Variants in DCLRE1C observed in about 807,000 individuals in gnomAD.
DCLRE1C encodes protein artemis.
DCLRE1C carries 47 observed loss-of-function variants against 61.4 expected under a neutral mutation model. The ratio of observed to expected loss-of-function variants is 0.77; its 90% CI spans 0.61 to 0.98. The LOEUF (loss-of-function observed/expected upper bound fraction) is 0.98, where lower values mean the gene tolerates loss of function less well. Ranked by LOEUF, DCLRE1C falls within the 50% of genes least tolerant of loss-of-function variation. DCLRE1C has a pLI of 0.00. For missense variants in DCLRE1C, 858 were observed against 816.0 expected (o/e 1.05, Z -0.63); for synonymous variants, 337 against 287.6 (o/e 1.17, Z -1.74).
intron 13 of DCLRE1C, among the ~76,000 whole-genome samples, chr10:14,914,134 A>G (rs936323124): frequency 1.2e-4 from 18 of 152,246 alleles, no homozygotes; most frequent in African/African-American, 4.3e-4. Context: ...AAAACATCCA[A>G]CAACATACTG....
intron 1 of DCLRE1C, among the ~76,000 whole-genome samples, chr10:14,949,676 A>C (rs1327086953): frequency 8.5e-5 from 13 of 152,270 alleles, no homozygotes; most frequent in Admixed American, 8.5e-4. Context: ...CATTAAGTAT[A>C]TCATGCATTC....
exon 14 of DCLRE1C, chr10:14,899,104 G>C: frequency 3.2e-6 from 2 of 632,450 alleles, no homozygotes; most frequent in Non-Finnish European, 2.9e-6. Context: ...AGGCTCACTT[G>C]AGCCCAGGAG....
chr10:14,944,872 A>G (rs1376133883), intron 3 of DCLRE1C, among the ~76,000 whole-genome samples: 3 of 151,680 alleles, frequency 2.0e-5, no homozygotes, highest in African/African-American at 7.3e-5. Flanking sequence ...ACAGGGTTTT[A>G]CCATGTTGGC....
intron 11 of DCLRE1C, chr10:14,923,283 T>C (rs7896593): frequency 9.6e-5 from 52 of 541,754 alleles, no homozygotes; most frequent in African/African-American, 7.2e-4. Flanking sequence ...TGAGTACTAG[T>C]GGGCCTAGAA....
Position 14,939,429 on chromosome 10 carries a change from G to A in DCLRE1C, c.306+381C>T, listed in dbSNP as rs41296996. On this transcript the variant is annotated intron_variant, in intron 4 of 13. Coordinates refer to ENST00000378278, the MANE Select transcript of DCLRE1C (RefSeq NM_001033855.3). Reference sequence around the variant, plus strand: ...ACTGCACTCCAGCCTGGGTGACGGAGTGAGACTCTGTCTCAAAAAAAAAAA... The same window carrying A: ...ACTGCACTCCAGCCTGGGTGACGGAATGAGACTCTGTCTCAAAAAAAAAAA... Among the ~76,000 whole-genome samples, 954 of 116,434 alleles carry A rather than the reference G, an allele frequency of 8.2e-3. 16 individuals carry two copies. Among genetic ancestry groups the A allele is most frequent in the East Asian group, 0.051 (201 of 3,912 alleles). The allele number at this position is 116,434 out of a possible 152,430, so 76.4% of individuals were successfully genotyped here.
chr10:14,926,947 A>C, intron 10 of DCLRE1C, 50 bp from the exon 11 acceptor site: 1 of 1,511,130 alleles, frequency 6.6e-7, no homozygotes, highest in South Asian at 1.1e-5. Flanking sequence ...GCAAAACTAA[A>C]ACTAAGCAAA....
chr10:14,922,884 G>T, intron 12 of DCLRE1C, 97 bp downstream of exon 12: 1 of 902,160 alleles, frequency 1.1e-6, no homozygotes, highest in South Asian at 1.3e-5. Flanking sequence ...AAAACAAACA[G>T]ATTCTAGACT....
At chr10:14,914,408 TAG>T (rs1378733919) in intron 13 of DCLRE1C, among the ~76,000 whole-genome samples, 1 of 152,112 alleles carries the variant, frequency 6.6e-6, no homozygotes, top group Non-Finnish European at 1.5e-5. Flanking sequence ...CAAGGCAAAA[TAG>T]GCAAGTCCAC....
At chr10:14,904,424 A>G (rs1195004777), downstream of DCLRE1C, 6 of 151,072 alleles carry the variant, frequency 4.0e-5, no homozygotes, top group Non-Finnish European at 2.9e-5. Flanking sequence ...AGTGTTAAGA[A>G]AAGGTTGTAG....
Position 14,934,723 on chromosome 10 carries a change from A to ATCT in DCLRE1C, c.514_516dup (p.Arg172dup), listed in dbSNP as rs1839613124. 6.2e-7 allele frequency: 1 copy of ATCT among 1,613,928 alleles called. No homozygotes were observed. The highest frequency in any genetic ancestry group is 8.5e-7 in the Non-Finnish European group (1 of 1,179,940). ...CTTACCCGACTTGGAATTTGGTAAAATCTTGGATCACAGAACGTAGTATCC... is the reference window on the plus strand; with the variant it reads ...CTTACCCGACTTGGAATTTGGTAAAATCTTCTTGGATCACAGAACGTAGTATCC... On this transcript the variant is annotated inframe_insertion, in exon 7 of 14. Coordinates refer to ENST00000378278, the MANE Select transcript of DCLRE1C (RefSeq NM_001033855.3).
rs1260019943 is a variant in DCLRE1C at position 14,926,743 on chromosome 10, A to G, written c.972+100T>C. Reference sequence around the variant, plus strand: ...AACTAAAAGGAAATGAAACTTACATAGAAACAGAGATGCTTCTGAGAGTCA... The same window carrying G: ...AACTAAAAGGAAATGAAACTTACATGGAAACAGAGATGCTTCTGAGAGTCA... On this transcript the variant is annotated intron_variant, in intron 11 of 13. Transcript: ENST00000378278. 25 of 926,158 alleles carry G rather than the reference A, an allele frequency of 2.7e-5. No homozygotes were observed. In the East Asian group the frequency reaches 5.9e-4, roughly 22 times the overall value. 57.4% of individuals were successfully genotyped at this position (926,158 alleles called of 1,614,324 possible).
chr10:14,932,785 G>A (rs1839240847), intron 9 of DCLRE1C, 69 bp downstream of exon 9: 4 of 1,568,152 alleles, frequency 2.6e-6, no homozygotes, highest in South Asian at 1.1e-5. Context: ...CCTATAAATG[G>A]AAGCCCTGAC....
intron 12 of DCLRE1C, chr10:14,920,371 A>G (rs1836895794): frequency 9.6e-7 from 1 of 1,039,828 alleles, no homozygotes. Context: ...AGATTTGAAG[A>G]CGTCCTACCC....
chr10:14,951,662 C>T (rs1383387304), intron 1 of DCLRE1C, among the ~76,000 whole-genome samples: 2 of 152,146 alleles, frequency 1.3e-5, no homozygotes, highest in African/African-American at 4.8e-5. Context: ...CTTTTCCTAA[C>T]TTACAGACAG....
At chr10:14,901,195 A>G, downstream of DCLRE1C, 2 of 1,614,086 alleles carry the variant, frequency 1.2e-6, no homozygotes, top group Non-Finnish European at 1.7e-6. Flanking sequence ...GTCTTCCCCG[A>G]ATAGCATTGT....
intron 13 of DCLRE1C, chr10:14,899,544 C>T: frequency 6.2e-7 from 1 of 1,613,532 alleles, no homozygotes; most frequent in Admixed American, 1.7e-5. Context: ...TTTAGGTAAT[C>T]ACAAGTGAAG....
intron 12 of DCLRE1C, 36 bp downstream of exon 12, chr10:14,922,945 G>A (rs1348239786): frequency 6.8e-7 from 1 of 1,476,090 alleles, no homozygotes; most frequent in Admixed American, 1.7e-5. Context: ...GAGCCACCAA[G>A]GGGGACACCA....
At chr10:14,913,673 C>CA (rs1330757155) in intron 13 of DCLRE1C, among the ~76,000 whole-genome samples, 3 of 152,118 alleles carry the variant, frequency 2.0e-5, no homozygotes, top group South Asian at 2.1e-4. Flanking sequence ...AATTAAAATA[C>CA]AAAAAACACA....
At position 14,904,877 on chromosome 10, in the gene DCLRE1C, T is replaced by A. The variant is rs1030383303; in HGVS notation, c.*3531A>T. On this transcript the variant is annotated 3_prime_UTR_variant, in exon 14 of 14. Transcript: ENST00000378278. Reference sequence around the variant, plus strand: ...AAAGGTGAATCCACTGTATGTATTATATTGATACCATCATTTTCAGGATCT... The same window carrying A: ...AAAGGTGAATCCACTGTATGTATTAAATTGATACCATCATTTTCAGGATCT... Among the ~76,000 whole-genome samples, 1 of 152,236 alleles carries A rather than the reference T, an allele frequency of 6.6e-6. No homozygotes were observed. Among genetic ancestry groups the A allele is most frequent in the African/African-American group, 2.4e-5 (1 of 41,464 alleles).
Sources: allele counts gnomAD v4.1 joint callset (sites outside exome capture counted in the v4.1 genomes callset), GRCh38; gene constraint gnomAD v4.1.1; transcripts MANE v1.5; gene names NCBI Gene and HGNC (gene_info 2026-07-23, HGNC 2026-07-21).